GABRR3: variants seen among roughly 807,000 people sequenced by gnomAD.
GABRR3 encodes gamma-aminobutyric acid receptor subunit rho-3.
Under a neutral mutation model 43.2 loss-of-function variants are expected in GABRR3, and 29 were observed. The ratio of observed to expected loss-of-function variants is 0.67; its 90% CI spans 0.50 to 0.92. The LOEUF (loss-of-function observed/expected upper bound fraction) is 0.92. Among genes scored for constraint, GABRR3 ranks in the 40% least tolerant of loss-of-function variants. The pLI is 0.00. For missense variants in GABRR3, 576 were observed against 572.3 expected, an observed-to-expected ratio of 1.01 and a Z score of -0.07; for synonymous variants, 206 against 195.9, an observed-to-expected ratio of 1.05 and a Z score of -0.43.
chr3:97,996,111 G>C (rs1213081517), intron 8 of GABRR3, among the ~76,000 whole-genome samples: 1 of 152,166 alleles, frequency 6.6e-6, no homozygotes, highest in Non-Finnish European at 1.5e-5. Flanking sequence ...TTTGTTGACT[G>C]ATATGATAGC....
chr3:97,988,937 A>ATGGTGG (rs1244128244), intron 9 of GABRR3, among the ~76,000 whole-genome samples: 1 of 111,448 alleles, frequency 9.0e-6, no homozygotes, highest in Non-Finnish European at 1.9e-5. Flanking sequence ...GTGAGTGGGG[A>ATGGTGG]TGGTGGTGGT....
At chr3:98,017,562 T>C in intron 4 of GABRR3, 93 bp downstream of exon 4, 1 of 857,294 alleles carries the variant, frequency 1.2e-6, no homozygotes, top group South Asian at 1.5e-5. Context: ...ATAACATACA[T>C]AATTAAAATG....
chr3:98,021,242 A>G (rs920008402), intron 3 of GABRR3, among the ~76,000 whole-genome samples: 3 of 152,104 alleles, frequency 2.0e-5, no homozygotes, highest in Non-Finnish European at 2.9e-5. Flanking sequence ...ACGCTCTAGC[A>G]TTCTTGAGGA....
chr3:98,019,313 C>A (rs1020359104), intron 3 of GABRR3, among the ~76,000 whole-genome samples: 5 of 152,084 alleles, frequency 3.3e-5, no homozygotes, highest in African/African-American at 1.2e-4. Flanking sequence ...CTATAGAAAC[C>A]CAAGGTATGT....
intron 9 of GABRR3, among the ~76,000 whole-genome samples, chr3:97,989,166 A>G (rs1225304199): frequency 2.2e-5 from 3 of 138,366 alleles, no homozygotes; most frequent in East Asian, 2.4e-4. Context: ...GTGGTGGTTG[A>G]TGGTGGTGGG....
intron 2 of GABRR3, among the ~76,000 whole-genome samples, chr3:98,033,447 G>A (rs1299357426): frequency 1.3e-5 from 2 of 152,054 alleles, no homozygotes; most frequent in Non-Finnish European, 2.9e-5. Flanking sequence ...AAGAACCAAT[G>A]TTCTTTTCTT....
At chr3:98,025,891 A>C (rs832042) in intron 2 of GABRR3, among the ~76,000 whole-genome samples, 120,378 of 152,118 alleles carry the variant, frequency 0.79, 47,885 homozygotes, top group East Asian at 0.99. Context: ...TTTGGAGCAC[A>C]TTAAGTGACA....
rs578242445 is a variant in GABRR3 at position 98,001,646 on chromosome 3, G to T, written c.876C>A (p.Asp292Glu). ...AAACTCTTGCAGGAACAGCTCTTCG[G>T]TCAATCCAAAATGAAACCCATGAAA... Residue 292 changes from aspartate to glutamate, a missense_variant, in exon 8 of 10, where the codon GAC (aspartate) becomes GAA (glutamate). Asp to Glu is a conservative substitution (Grantham distance 45, BLOSUM62 2). Transcript: ENST00000621172. 14 of 1,613,054 alleles carry T rather than the reference G, an allele frequency of 8.7e-6. No homozygotes were observed. The African/African-American group carries it at 1.7e-4, about 20-fold the overall frequency.
intron 9 of GABRR3, among the ~76,000 whole-genome samples, chr3:97,990,977 A>C (rs1706459292): frequency 6.6e-6 from 1 of 152,234 alleles, no homozygotes; most frequent in Non-Finnish European, 1.5e-5. Context: ...AATAGTTTTT[A>C]AAATGGAGGA....
intron 4 of GABRR3, among the ~76,000 whole-genome samples, chr3:98,016,677 C>T (rs1487898514): frequency 1.3e-5 from 2 of 152,100 alleles, no homozygotes; most frequent in African/African-American, 4.8e-5. Flanking sequence ...AACTCTGAAA[C>T]TACATTAACA....
At chr3:98,019,595 T>C (rs1172622207) in intron 3 of GABRR3, among the ~76,000 whole-genome samples, 2 of 151,242 alleles carry the variant, frequency 1.3e-5, no homozygotes, top group African/African-American at 2.4e-5. Context: ...AATTATGACT[T>C]TTTTTTTTGA....
At position 97,993,009 on chromosome 3, in the gene GABRR3, G is replaced by A. The variant is rs747992625; in HGVS notation, c.947C>T (p.Ala316Val). 9 of 1,612,296 alleles carry A rather than the reference G, an allele frequency of 5.6e-6. No individual in the cohort carries two copies. The East Asian group carries it at 2.0e-4, about 36-fold the overall frequency. Residue 316 changes from alanine (A) to valine (V), a missense_variant, in exon 9 of 10, where the codon GCT (alanine) becomes GTT (valine). By Grantham distance (64) the Ala-to-Val change is moderately conservative. Transcript: ENST00000621172. ...CACCTGGGGCATGGAGGCGCTCACA[G>A]CAGTGATGATTGTGGACATGGTCAG...
intron 2 of GABRR3, 196 bp downstream of exon 2, chr3:98,034,667 A>G (rs1435121944): frequency 9.1e-6 from 2 of 220,584 alleles, no homozygotes; most frequent in African/African-American, 4.7e-5. Flanking sequence ...AAATGTCAGC[A>G]AATTCCAAGA....
chr3:97,989,679 A>C (rs369836481), intron 9 of GABRR3, among the ~76,000 whole-genome samples: 1 of 152,022 alleles, frequency 6.6e-6, no homozygotes, highest in African/African-American at 2.4e-5. Context: ...TGGCACGTTT[A>C]GCTCTGTCCC....
chr3:97,986,923 A>G (rs375890893), exon 10 of GABRR3: 9 of 1,611,852 alleles, frequency 5.6e-6, no homozygotes, highest in African/African-American at 4.0e-5. Context: ...TCTCGCTGTC[A>G]TGGTAACAAC....
chr3:98,034,725 A>G, intron 2 of GABRR3, 138 bp downstream of exon 2: 1 of 1,006,162 alleles, frequency 9.9e-7, no homozygotes, highest in Non-Finnish European at 1.4e-6. Context: ...ATGATGCATG[A>G]ATGCTATCTC....
At chr3:98,004,974 TAA>T (rs1706706349) in intron 7 of GABRR3, among the ~76,000 whole-genome samples, 1 of 152,118 alleles carries the variant, frequency 6.6e-6, no homozygotes, top group Non-Finnish European at 1.5e-5. Flanking sequence ...GCTCATGAAC[TAA>T]AATAAGTTTC....
At chr3:98,014,369 G>A (rs1323667804) in intron 4 of GABRR3, among the ~76,000 whole-genome samples, 1 of 151,872 alleles carries the variant, frequency 6.6e-6, no homozygotes, top group Non-Finnish European at 1.5e-5. Flanking sequence ...GAAATGACTT[G>A]GATAATATGT....
chr3:98,004,918 A>C (rs1322935570), intron 7 of GABRR3, among the ~76,000 whole-genome samples: 1 of 152,058 alleles, frequency 6.6e-6, no homozygotes, highest in Non-Finnish European at 1.5e-5. Context: ...TTGTCAGAAG[A>C]TTATGTTTAA....
Sources: allele counts gnomAD v4.1 joint callset (sites outside exome capture counted in the v4.1 genomes callset), GRCh38; gene constraint gnomAD v4.1.1; transcripts MANE v1.5; gene names NCBI Gene and HGNC (gene_info 2026-07-23, HGNC 2026-07-21).